Variants in OPCML observed in about 807,000 individuals in gnomAD.
OPCML encodes opioid-binding protein/cell adhesion molecule.
A neutral mutation model predicts 37.8 loss-of-function variants in OPCML; 13 were observed. That is an observed-to-expected ratio of 0.34 (90% CI 0.22 to 0.55). OPCML has a LOEUF of 0.55. Ranked by LOEUF, OPCML falls within the 20% of genes least tolerant of loss-of-function variation. The pLI is 0.91. For synonymous variants in OPCML, 176 were observed against 168.8 expected, an observed-to-expected ratio of 1.04 and a Z score of -0.33; for missense variants, 341 against 435.6, an observed-to-expected ratio of 0.78 and a Z score of 1.93.
chr11:133,310,338 G>T (rs1165504553), intron 1 of OPCML, among the ~76,000 whole-genome samples: 1 of 152,116 alleles, frequency 6.6e-6, no homozygotes, highest in Non-Finnish European at 1.5e-5. Context: ...TTATATGGAA[G>T]TTTCAGTCTC....
intron 2 of OPCML, among the ~76,000 whole-genome samples, chr11:132,699,192 G>C (rs907787608): frequency 1.3e-5 from 2 of 151,858 alleles, no homozygotes; most frequent in African/African-American, 4.8e-5. Flanking sequence ...ACTGATATTT[G>C]TATGTTGATT....
chr11:132,818,672 TTATA>T (rs1565886239), intron 2 of OPCML, among the ~76,000 whole-genome samples: 1 of 18,052 alleles, frequency 5.5e-5, no homozygotes, highest in Non-Finnish European at 1.4e-4. Flanking sequence ...ACAGATTATA[TTATA>T]TATAAAATCA....
intron 1 of OPCML, among the ~76,000 whole-genome samples, chr11:133,213,139 T>G (rs1274540882): frequency 6.6e-6 from 1 of 152,098 alleles, no homozygotes; most frequent in East Asian, 1.9e-4. Flanking sequence ...GTTCCTTTTA[T>G]TTTTGAACCC....
chr11:133,420,918 T>C, intron 1 of OPCML: 1 of 985,328 alleles, frequency 1.0e-6, no homozygotes, highest in Non-Finnish European at 1.2e-6. Flanking sequence ...GTAAAAAGGA[T>C]TACAGTGGCT....
At chr11:132,670,962 C>T (rs1293550624) in intron 2 of OPCML, among the ~76,000 whole-genome samples, 3 of 152,176 alleles carry the variant, frequency 2.0e-5, no homozygotes, top group Non-Finnish European at 4.4e-5. Context: ...ATAGACTGTG[C>T]TGCCTCAAGT....
chr11:133,087,520 A>G (rs1948834986), intron 1 of OPCML, among the ~76,000 whole-genome samples: 1 of 152,226 alleles, frequency 6.6e-6, no homozygotes, highest in African/African-American at 2.4e-5. Flanking sequence ...AGCATTTTGA[A>G]TGAAAAGAAA....
intron 2 of OPCML, among the ~76,000 whole-genome samples, chr11:132,784,791 T>C (rs193065569): frequency 5.4e-4 from 82 of 152,286 alleles, no homozygotes; most frequent in African/African-American, 2.0e-3. Context: ...TTGCTCCTGC[T>C]CTTGCCATGT....
intron 4 of OPCML, among the ~76,000 whole-genome samples, chr11:132,517,928 C>T (rs1299462393): frequency 6.6e-6 from 1 of 152,120 alleles, no homozygotes; most frequent in African/African-American, 2.4e-5. Context: ...TGCAGATTTA[C>T]ATAGAGAATG....
At chr11:133,462,118 A>C (rs1459816254) in intron 1 of OPCML, among the ~76,000 whole-genome samples, 2 of 151,994 alleles carry the variant, frequency 1.3e-5, no homozygotes, top group African/African-American at 4.8e-5. Context: ...CCATATACAA[A>C]AATGAACTCT....
intron 2 of OPCML, among the ~76,000 whole-genome samples, chr11:132,707,639 G>C (rs1425430838): frequency 6.6e-6 from 1 of 152,188 alleles, no homozygotes; most frequent in Non-Finnish European, 1.5e-5. Context: ...TGTAGAATTA[G>C]TTCACAAAAT....
At chr11:133,339,863 G>T (rs987916298) in intron 1 of OPCML, among the ~76,000 whole-genome samples, 1 of 152,108 alleles carries the variant, frequency 6.6e-6, no homozygotes, top group Non-Finnish European at 1.5e-5. Flanking sequence ...CATAACAAAA[G>T]CCCAATTGAA....
intron 1 of OPCML, among the ~76,000 whole-genome samples, chr11:133,519,916 G>A (rs960136900): frequency 1.3e-3 from 193 of 152,322 alleles, no homozygotes; most frequent in African/African-American, 4.4e-3. Context: ...ATGTGAGACA[G>A]ACCTGGGGCT....
At chr11:132,485,504 C>G (rs749115286) in intron 4 of OPCML, among the ~76,000 whole-genome samples, 2 of 152,134 alleles carry the variant, frequency 1.3e-5, no homozygotes, top group Non-Finnish European at 2.9e-5. Context: ...TTCCTTTCTC[C>G]CACAGAACTC....
intron 2 of OPCML, among the ~76,000 whole-genome samples, chr11:132,662,519 G>C (rs1020923770): frequency 6.6e-6 from 1 of 151,780 alleles, no homozygotes; most frequent in Admixed American, 6.6e-5. Context: ...GGAACAGGCC[G>C]ACAAAGTTCC....
intron 4 of OPCML, among the ~76,000 whole-genome samples, chr11:132,475,202 C>G (rs1377691531): frequency 6.6e-6 from 1 of 152,174 alleles, no homozygotes; most frequent in Non-Finnish European, 1.5e-5. Context: ...GGCCTGAGGG[C>G]TGGCCTAAAT....
At chr11:132,593,573 A>G (rs1591598669) in intron 3 of OPCML, among the ~76,000 whole-genome samples, 1 of 152,154 alleles carries the variant, frequency 6.6e-6, no homozygotes, top group Admixed American at 6.5e-5. Flanking sequence ...AAAAAGTTAG[A>G]GAGAAAAAGG....
chr11:132,502,458 A>T (rs1426093721), intron 4 of OPCML, among the ~76,000 whole-genome samples: 3 of 152,238 alleles, frequency 2.0e-5, no homozygotes, highest in South Asian at 4.1e-4. Context: ...CCCCAGTTAC[A>T]CATCACATCT....
At chr11:133,030,557 A>T (rs1430074160) in intron 1 of OPCML, among the ~76,000 whole-genome samples, 1 of 152,180 alleles carries the variant, frequency 6.6e-6, no homozygotes, top group African/African-American at 2.4e-5. Context: ...ACGAATCCAC[A>T]TCAAGACCAC....
chr11:132,452,371 T>G (rs1227752968), intron 4 of OPCML, among the ~76,000 whole-genome samples: 1 of 152,052 alleles, frequency 6.6e-6, no homozygotes, highest in African/African-American at 2.4e-5. Flanking sequence ...AGTGGCAGAC[T>G]ACCTGTCATT....
Sources: allele counts gnomAD v4.1 joint callset (sites outside exome capture counted in the v4.1 genomes callset), GRCh38; gene constraint gnomAD v4.1.1; transcripts MANE v1.5; gene names NCBI Gene and HGNC (gene_info 2026-07-23, HGNC 2026-07-21).